SV2C: variants seen among roughly 807,000 people sequenced by gnomAD.
SV2C encodes the protein synaptic vesicle glycoprotein 2C, also known as solute carrier family 22 member B3.
Under a neutral mutation model 79.7 loss-of-function variants are expected in SV2C, and 49 were observed. That is an observed-to-expected ratio of 0.61 (90% CI 0.49 to 0.78). The LOEUF (loss-of-function observed/expected upper bound fraction) is 0.78, where lower values mean the gene tolerates loss of function less well. Among genes scored for constraint, SV2C ranks in the 30% least tolerant of loss-of-function variants. The pLI is 0.00. For synonymous variants in SV2C, 334 were observed against 333.2 expected (o/e 1.00, Z -0.03); for missense variants, 833 against 912.9 (o/e 0.91, Z 1.13).
chr5:76,351,652 TAC>T (rs1160005064), intron 12 of SV2C, among the ~76,000 whole-genome samples: 1 of 152,164 alleles, frequency 6.6e-6, no homozygotes, highest in Non-Finnish European at 1.5e-5. Context: ...AATGTCAGTT[TAC>T]AGAGCTAGCT....
At chr5:75,980,711 T>C in the SV2C span, among the ~76,000 whole-genome samples, 1 of 152,136 alleles carries the variant, frequency 6.6e-6, no homozygotes, top group Non-Finnish European at 1.5e-5. Context: ...GGAACATACC[T>C]CAAAATAATA....
the SV2C span, among the ~76,000 whole-genome samples, chr5:76,041,247 G>A: frequency 6.6e-6 from 1 of 152,134 alleles, no homozygotes; most frequent in Non-Finnish European, 1.5e-5. Flanking sequence ...AATGTACCTG[G>A]ACTAGAAGGC....
At chr5:75,997,461 C>T in the SV2C span, among the ~76,000 whole-genome samples, 3 of 151,966 alleles carry the variant, frequency 2.0e-5, no homozygotes, top group Admixed American at 6.6e-5. Context: ...GGCTAATATC[C>T]AGAATCTACA....
intron 12 of SV2C, among the ~76,000 whole-genome samples, chr5:76,303,545 A>G (rs1748083821): frequency 6.6e-6 from 1 of 152,114 alleles, no homozygotes; most frequent in African/African-American, 2.4e-5. Flanking sequence ...CTTGTATACT[A>G]TAAGAGTGTG....
At chr5:75,972,119 C>A in the SV2C span, among the ~76,000 whole-genome samples, 1 of 152,038 alleles carries the variant, frequency 6.6e-6, no homozygotes, top group Non-Finnish European at 1.5e-5. Flanking sequence ...AACTGGCTAG[C>A]CATATGTAGA....
chr5:76,167,876 G>A (rs1561245683), intron 2 of SV2C, among the ~76,000 whole-genome samples: 1 of 152,072 alleles, frequency 6.6e-6, no homozygotes, highest in African/African-American at 2.4e-5. Flanking sequence ...CCCTTTTTTA[G>A]TCCTAAAATG....
At chr5:75,950,278 A>G in the SV2C span, among the ~76,000 whole-genome samples, 1 of 152,062 alleles carries the variant, frequency 6.6e-6, no homozygotes, top group South Asian at 2.1e-4. Flanking sequence ...CGAAACCAGA[A>G]GGTGATATGA....
the SV2C span, among the ~76,000 whole-genome samples, chr5:75,913,713 C>T: frequency 6.6e-6 from 1 of 152,152 alleles, no homozygotes; most frequent in South Asian, 2.1e-4. Context: ...GAGACCAGGA[C>T]TGGTGAACCA....
the SV2C span, among the ~76,000 whole-genome samples, chr5:75,997,804 C>G: frequency 1.1e-4 from 17 of 152,202 alleles, no homozygotes; most frequent in African/African-American, 4.1e-4. Context: ...GGATCTAGAA[C>G]TAGAAATACC....
chr5:75,959,844 C>T, the SV2C span, among the ~76,000 whole-genome samples: 1 of 151,908 alleles, frequency 6.6e-6, no homozygotes, highest in Non-Finnish European at 1.5e-5. Context: ...AAGACCAGTC[C>T]TATTCACAAA....
chr5:76,206,179 G>A (rs533479302), intron 3 of SV2C, among the ~76,000 whole-genome samples: 2 of 152,310 alleles, frequency 1.3e-5, no homozygotes, highest in East Asian at 1.9e-4. Context: ...GGGTTGGGGA[G>A]TGGCAGATTT....
chr5:75,979,547 T>C, the SV2C span, among the ~76,000 whole-genome samples: 4 of 116,990 alleles, frequency 3.4e-5, no homozygotes, highest in South Asian at 7.1e-4. Context: ...CACAGCACAA[T>C]GAATTAGAAA....
chr5:76,138,782 C>T (rs1316050707), intron 2 of SV2C, among the ~76,000 whole-genome samples: 1 of 152,190 alleles, frequency 6.6e-6, no homozygotes, highest in Non-Finnish European at 1.5e-5. Flanking sequence ...ATCTTTAACA[C>T]TTTGAGAACT....
Position 76,167,252 on chromosome 5 carries a change from C to CA in SV2C, c.581-27664dup, listed in dbSNP as rs141170110. On this transcript the variant is annotated intron_variant, in intron 2 of 12. Coordinates refer to ENST00000502798, the MANE Select transcript of SV2C (RefSeq NM_014979.4). ...TAATTTCTATTCCTTGTTCTATTGA[C>CA]AAATTAACTTTGGGACATAGTAATT... Among the ~76,000 whole-genome samples, 1,267 of 152,322 alleles carry CA rather than the reference C, an allele frequency of 8.3e-3. 20 individuals are homozygous for CA. The highest frequency in any genetic ancestry group is 0.029 in the African/African-American group (1,185 of 41,578).
At chr5:76,146,784 A>G (rs1440223681) in intron 2 of SV2C, among the ~76,000 whole-genome samples, 7 of 126,044 alleles carry the variant, frequency 5.6e-5, no homozygotes, top group African/African-American at 2.2e-4. Flanking sequence ...TGATAAAGGA[A>G]TGAGTTTTTT....
intron 4 of SV2C, among the ~76,000 whole-genome samples, chr5:76,238,453 G>A (rs73766738): frequency 0.12 from 17,877 of 151,996 alleles, 3,066 homozygotes; most frequent in African/African-American, 0.38. Context: ...TCCCTGTAGT[G>A]TCTGTCCTTC....
chr5:76,077,856 G>A, the SV2C span, among the ~76,000 whole-genome samples: 1 of 152,208 alleles, frequency 6.6e-6, no homozygotes, highest in East Asian at 1.9e-4. Flanking sequence ...CCAGAGAGGT[G>A]GCCTCTTAAA....
At chr5:76,039,869 A>T in the SV2C span, among the ~76,000 whole-genome samples, 1 of 152,148 alleles carries the variant, frequency 6.6e-6, no homozygotes, top group Non-Finnish European at 1.5e-5. Context: ...TGCCCTTTCC[A>T]TATGGATAGA....
the SV2C span, among the ~76,000 whole-genome samples, chr5:75,850,130 C>T: frequency 6.6e-6 from 1 of 151,980 alleles, no homozygotes; most frequent in Non-Finnish European, 1.5e-5. Flanking sequence ...AAGGAATGTC[C>T]TACATATAAA....
Sources: allele counts gnomAD v4.1 joint callset (sites outside exome capture counted in the v4.1 genomes callset), GRCh38; gene constraint gnomAD v4.1.1; transcripts MANE v1.5; gene names NCBI Gene and HGNC (gene_info 2026-07-23, HGNC 2026-07-21).